The following CA12 variants were observed in gnomAD, a reference collection of about 807,000 sequenced individuals.
CA12 encodes carbonate dehydratase XII.
In CA12, 36 loss-of-function variants were observed where a neutral mutation model predicts 46.8. That is an observed-to-expected ratio of 0.77 (90% confidence interval 0.59 to 1.02). The LOEUF is 1.02. CA12 is among the 50% of genes least tolerant of loss of function. The pLI is 0.00. For synonymous variants in CA12, 202 were observed against 187.0 expected, an observed-to-expected ratio of 1.08 and a Z score of -0.65; for missense variants, 436 against 451.4, an observed-to-expected ratio of 0.97 and a Z score of 0.31.
Position 63,340,316 on chromosome 15 carries a change from C to T in CA12, c.719G>A (p.Arg240Gln), listed in dbSNP as rs751388518. 2.2e-5 allele frequency: 35 copies of T among 1,614,024 alleles called. No homozygotes were observed. The highest frequency in any genetic ancestry group is 2.0e-4 in the South Asian group (18 of 91,072). Residue 240 changes from arginine to glutamine, a missense_variant, in exon 7 of 11, where the codon CGA (arginine) becomes CAA (glutamine). Arg to Gln is a conservative substitution (Grantham distance 43, BLOSUM62 1). Coordinates refer to ENST00000178638, the MANE Select transcript of CA12 (RefSeq NM_001218.5). This position sits in a 1 kb window ranked among gnomAD's most constrained non-coding sequence, Gnocchi z 4.4. ...CNPTVLWTVF[R>Q]NPVQISQEQL... ...CTCCTGGGAAATTTGCACGGGGTTT[C>T]GGAAAACTGTCCAGAGCACAGTGGG...
chr15:63,344,898 T>C (rs1295828891), intron 4 of CA12, among the ~76,000 whole-genome samples: 1 of 152,164 alleles, frequency 6.6e-6, no homozygotes, highest in East Asian at 1.9e-4. Flanking sequence ...GACACGATGC[T>C]GTGCTGGCTG....
chr15:63,367,132 G>C (rs1595790766), intron 2 of CA12, among the ~76,000 whole-genome samples: 1 of 152,122 alleles, frequency 6.6e-6, no homozygotes, highest in Non-Finnish European at 1.5e-5. Flanking sequence ...TGTTGGCCAG[G>C]CTGGTCTCAA....
rs1385950370 is a variant in CA12, at chr15:63,328,933, T to G, written c.875-803A>C. ...CCAGGCTGGTCTCGAACTCCTGATC[T>G]CAAGTGATCCACCTGCCTCGGCCTC... is the stretch of plus-strand genomic sequence containing the variant. On this transcript the variant is annotated intron_variant, in intron 8 of 10. Transcript: ENST00000178638. This position sits in a 1 kb window ranked among gnomAD's most constrained non-coding sequence, Gnocchi z 5.9. Among the ~76,000 whole-genome samples the G allele has an allele frequency of 3.9e-5, 6 of 152,142 alleles. No homozygotes were observed. The highest frequency in any genetic ancestry group is 1.4e-4 in the African/African-American group (6 of 41,424).
At position 63,378,323 on chromosome 15, in the gene CA12, G is replaced by C. The variant is rs2039603440; in HGVS notation, c.86-2645C>G. ...GAATTGCTTGAACCCGGGAGGCGGAGGTTGCAGTGAGCTGAGATTGTGCCA... is the reference window on the plus strand; with the variant it reads ...GAATTGCTTGAACCCGGGAGGCGGACGTTGCAGTGAGCTGAGATTGTGCCA... On this transcript the variant is annotated intron_variant, in intron 1 of 10. Transcript: ENST00000178638. This position sits in a 1 kb window ranked among gnomAD's most constrained non-coding sequence, Gnocchi z 4.8. Among the ~76,000 whole-genome samples the C allele has an allele frequency of 6.6e-6, 1 of 152,178 alleles. No homozygotes were observed. Among genetic ancestry groups the C allele is most frequent in the Admixed American group, 6.5e-5 (1 of 15,280 alleles).
chr15:63,363,097 C>T (rs1464924276), intron 2 of CA12, among the ~76,000 whole-genome samples: 6 of 152,222 alleles, frequency 3.9e-5, no homozygotes, highest in Admixed American at 6.5e-5. Flanking sequence ...CTCTTACGCA[C>T]GCTGGGTCCC....
rs145773621 is a variant in CA12 at position 63,331,054 on chromosome 15, C to T, written c.875-2924G>A. On this transcript the variant is annotated intron_variant, in intron 8 of 10. Transcript: ENST00000178638. The surrounding 1 kb of genome is among the most constrained non-coding windows in gnomAD (Gnocchi z 5.3). ...GTGTCACCCGATAGTTCCACCACCTCAGGAAGCCCAGGGCAGGAAGGTGTT... is the reference window on the plus strand; with the variant it reads ...GTGTCACCCGATAGTTCCACCACCTTAGGAAGCCCAGGGCAGGAAGGTGTT... Among the ~76,000 whole-genome samples, 72 of 152,334 alleles carry T rather than the reference C, an allele frequency of 4.7e-4. No individual in the cohort carries two copies. The highest frequency in any genetic ancestry group is 9.1e-4 in the Non-Finnish European group (62 of 68,030).
chr15:63,381,666 C>G lies in CA12; in HGVS notation c.55G>C (p.Glu19Gln). ...AAVLLLVILK[E>Q]QPSSPAPVNG... The stretch of plus-strand genomic sequence containing the variant: ...ACTGGGGCCGGGCTGGAAGGCTGTT[C>G]CTTTAAGATCACCAGCAGGAGCACG... Residue 19 changes from glutamate to glutamine, a missense_variant, in exon 1 of 11, where the codon GAA becomes CAA. Coordinates refer to ENST00000178638, the MANE Select transcript of CA12 (RefSeq NM_001218.5). The G allele has an allele frequency of 6.2e-7, 1 of 1,611,702 alleles. No individual in the cohort carries two copies. The highest frequency in any genetic ancestry group is 8.5e-7 in the Non-Finnish European group (1 of 1,179,054).
At chr15:63,367,506 T>A (rs993029933) in intron 2 of CA12, among the ~76,000 whole-genome samples, 1 of 152,148 alleles carries the variant, frequency 6.6e-6, no homozygotes, top group Non-Finnish European at 1.5e-5. Context: ...CATAAGGAAA[T>A]CTCACTGTCA....
rs774263689 is a variant in CA12, at chr15:63,339,910, C to T, written c.747+378G>A. ...AGCTTCTTGGGGGCAGGGACCCTCACTTAGTCATTGCTGCAATCCCATCTC... is the reference window on the plus strand; with the variant it reads ...AGCTTCTTGGGGGCAGGGACCCTCATTTAGTCATTGCTGCAATCCCATCTC... On this transcript the variant is annotated intron_variant, in intron 7 of 10. Coordinates refer to ENST00000178638, the MANE Select transcript of CA12 (RefSeq NM_001218.5). The surrounding 1 kb of genome is among the most constrained non-coding windows in gnomAD (Gnocchi z 4.3). 2.7e-5 allele frequency: 9 copies of T among 332,942 alleles called. No individual in the cohort carries two copies. Among genetic ancestry groups the T allele is most frequent in the Non-Finnish European group, 4.6e-5 (8 of 172,242 alleles). 20.6% of individuals were successfully genotyped at this position (332,942 alleles called of 1,614,324 possible).
At chr15:63,350,949 G>A (rs2039220965) in intron 2 of CA12, among the ~76,000 whole-genome samples, 1 of 152,128 alleles carries the variant, frequency 6.6e-6, no homozygotes, top group South Asian at 2.1e-4. Context: ...TAAAACATAA[G>A]GGCTCTTAAA....
At chr15:63,376,112 T>C (rs897836136) in intron 1 of CA12, among the ~76,000 whole-genome samples, 1 of 152,160 alleles carries the variant, frequency 6.6e-6, no homozygotes, top group African/African-American at 2.4e-5. Context: ...CCCGGCCAAA[T>C]TGAAACTTTT....
chr15:63,380,258 G>C (rs1183944510), intron 1 of CA12, among the ~76,000 whole-genome samples: 1 of 152,114 alleles, frequency 6.6e-6, no homozygotes, highest in Admixed American at 6.5e-5. Context: ...GAGATAAGGA[G>C]GAGGGAAAGG....
chr15:63,354,518 G>C (rs1331737860), intron 2 of CA12, among the ~76,000 whole-genome samples: 1 of 152,154 alleles, frequency 6.6e-6, no homozygotes, highest in Non-Finnish European at 1.5e-5. Context: ...GAGCCCAGGA[G>C]TTTGAGACAA....
In CA12 at chr15:63,340,219, T is replaced by G; in HGVS notation, c.747+69A>C. 1 of 1,535,544 alleles carries G rather than the reference T, an allele frequency of 6.5e-7. No homozygotes were observed. On this transcript the variant is annotated intron_variant, in intron 7 of 10. Transcript: ENST00000178638. The surrounding 1 kb of genome is among the most constrained non-coding windows in gnomAD (Gnocchi z 4.4). ...CTAAATGAGGAAATCAAGTCATTGA[T>G]TGTGATATGGAGGATGATGGGGACT...
rs1040663836 is a variant in CA12, at chr15:63,355,610, T to G, written c.107-8901A>C. On this transcript the variant is annotated intron_variant, in intron 2 of 10. Coordinates refer to ENST00000178638, the MANE Select transcript of CA12 (RefSeq NM_001218.5). This position sits in a 1 kb window ranked among gnomAD's most constrained non-coding sequence, Gnocchi z 4.1. The stretch of plus-strand genomic sequence containing the variant: ...GCATGCGTGTACACCTGGCTCCTGC[T>G]GCAGAGCCTGGCACACTGAAGTGTT... 2.6e-5 allele frequency among the ~76,000 whole-genome samples: 4 copies of G among 152,232 alleles called. No homozygotes were observed. The highest frequency in any genetic ancestry group is 6.5e-5 in the Admixed American group (1 of 15,276).
At chr15:63,336,882 C>T (rs559782096) in intron 8 of CA12, among the ~76,000 whole-genome samples, 1 of 152,172 alleles carries the variant, frequency 6.6e-6, no homozygotes, top group Non-Finnish European at 1.5e-5. Context: ...GTCCTGGGAT[C>T]GCGAGCAAAA....
chr15:63,360,364 T>C (rs1324243110), intron 2 of CA12, among the ~76,000 whole-genome samples: 3 of 152,254 alleles, frequency 2.0e-5, no homozygotes, highest in Admixed American at 6.5e-5. Context: ...ATCTTTATTA[T>C]GCTGACAGCA....
Position 63,348,437 on chromosome 15 carries a change from G to A in CA12, c.107-1728C>T, listed in dbSNP as rs1011503800. On this transcript the variant is annotated intron_variant, in intron 2 of 10. Coordinates refer to ENST00000178638, the MANE Select transcript of CA12 (RefSeq NM_001218.5). This position sits in a 1 kb window ranked among gnomAD's most constrained non-coding sequence, Gnocchi z 4.6. ...GGCCAAACCGAATGCTTTAGGGGCA[G>A]CGGGGAGCAGAATGAAGCAACCGTG... Among the ~76,000 whole-genome samples the A allele has an allele frequency of 6.6e-6, 1 of 152,174 alleles. No homozygotes were observed. The highest frequency in any genetic ancestry group is 2.4e-5 in the African/African-American group (1 of 41,426).
chr15:63,380,637 C>G (rs1401886192), intron 1 of CA12, among the ~76,000 whole-genome samples: 1 of 152,196 alleles, frequency 6.6e-6, no homozygotes, highest in Non-Finnish European at 1.5e-5. Flanking sequence ...ATCATGCCAG[C>G]TAGTTGACTG....
Sources: gnomAD v4.1 joint callset for allele counts (sites outside exome capture counted in the v4.1 genomes callset) on GRCh38, gnomAD v4.1.1 for gene constraint, Gnocchi (gnomAD v3.1) non-coding constraint, MANE v1.5 for transcripts, NCBI Gene and HGNC (gene_info 2026-07-23, HGNC 2026-07-21) for gene names.